CPA6: variants seen among roughly 807,000 people sequenced by gnomAD.
CPA6 encodes carboxypeptidase B.
Under a neutral mutation model 63.3 loss-of-function variants are expected in CPA6, and 58 were observed. The ratio of observed to expected loss-of-function variants is 0.92; its 90% CI spans 0.74 to 1.14. The LOEUF (loss-of-function observed/expected upper bound fraction) is 1.14. CPA6 is among the 50% of genes most tolerant of loss of function. The pLI is 0.00. For missense variants in CPA6, 565 were observed against 526.6 expected, an observed-to-expected ratio of 1.07 and a Z score of -0.71; for synonymous variants, 185 against 179.0, an observed-to-expected ratio of 1.03 and a Z score of -0.27.
intron 1 of CPA6, among the ~76,000 whole-genome samples, chr8:67,697,561 A>G (rs1324856796): frequency 3.3e-5 from 5 of 152,230 alleles, no homozygotes; most frequent in African/African-American, 9.6e-5. Flanking sequence ...GGAAATACTT[A>G]GTAAAAGTAA....
At chr8:67,647,110 G>A (rs1018870894) in intron 1 of CPA6, among the ~76,000 whole-genome samples, 1 of 152,146 alleles carries the variant, frequency 6.6e-6, no homozygotes, top group Non-Finnish European at 1.5e-5. Flanking sequence ...CTTATCTAAA[G>A]AAGTAAAAGA....
chr8:67,708,052 C>T (rs1490874035), intron 1 of CPA6, among the ~76,000 whole-genome samples: 1 of 152,164 alleles, frequency 6.6e-6, no homozygotes, highest in Non-Finnish European at 1.5e-5. Context: ...TTCTGACAGG[C>T]CCAGGAGCCC....
chr8:67,631,087 G>C (rs1338278421), intron 1 of CPA6, among the ~76,000 whole-genome samples: 2 of 152,222 alleles, frequency 1.3e-5, no homozygotes, highest in Admixed American at 6.5e-5. Context: ...GACCACCCAA[G>C]GGCTGAGGAG....
intron 1 of CPA6, among the ~76,000 whole-genome samples, chr8:67,634,684 A>AT (rs924834967): frequency 3.3e-4 from 50 of 151,296 alleles, no homozygotes; most frequent in East Asian, 5.8e-4. Flanking sequence ...ACCACTGCAT[A>AT]TTTTTTTTGT....
chr8:67,714,241 G>A (rs1242846979), intron 1 of CPA6, among the ~76,000 whole-genome samples: 1 of 152,152 alleles, frequency 6.6e-6, no homozygotes, highest in Non-Finnish European at 1.5e-5. Context: ...TTCCAGTGAT[G>A]AAAACTGGGG....
intron 2 of CPA6, among the ~76,000 whole-genome samples, chr8:67,568,975 T>A (rs934445306): frequency 2.0e-5 from 3 of 152,150 alleles, no homozygotes; most frequent in African/African-American, 7.2e-5. Flanking sequence ...GGTCTCAAGC[T>A]CCTGACCTCA....
intron 2 of CPA6, among the ~76,000 whole-genome samples, chr8:67,596,486 C>T (rs1225994176): frequency 6.6e-6 from 1 of 151,324 alleles, no homozygotes; most frequent in Non-Finnish European, 1.5e-5. Flanking sequence ...CATTTTCTGT[C>T]ATTGCCTCTT....
Position 67,465,373 on chromosome 8 carries a change from G to A in CPA6, c.838+18395C>T, listed in dbSNP as rs554090093. Among the ~76,000 whole-genome samples, 7 of 151,858 alleles carry A rather than the reference G, an allele frequency of 4.6e-5. No individual in the cohort carries two copies. In the South Asian group the frequency reaches 8.3e-4, roughly 18 times the overall value. On this transcript the variant is annotated intron_variant, in intron 8 of 10. Coordinates refer to ENST00000297770, the MANE Select transcript of CPA6 (RefSeq NM_020361.5). Reference sequence around the variant, plus strand: ...TCTATCTTGAAACTTAACTGAAGTCGTTTATCAGTTCCAGGATGCTTTTGG... The same window carrying A: ...TCTATCTTGAAACTTAACTGAAGTCATTTATCAGTTCCAGGATGCTTTTGG...
At chr8:67,636,630 A>G (rs1815475246) in intron 1 of CPA6, among the ~76,000 whole-genome samples, 1 of 151,450 alleles carries the variant, frequency 6.6e-6, no homozygotes, top group South Asian at 2.1e-4. Flanking sequence ...GATTTAGGGT[A>G]CTCCATAACT....
intron 8 of CPA6, among the ~76,000 whole-genome samples, chr8:67,437,613 C>T (rs1810191072): frequency 6.6e-6 from 1 of 152,044 alleles, no homozygotes; most frequent in Non-Finnish European, 1.5e-5. Flanking sequence ...TGTAGGAGGG[C>T]ACTGGAAACA....
intron 2 of CPA6, among the ~76,000 whole-genome samples, chr8:67,622,888 G>T (rs951089357): frequency 6.6e-5 from 10 of 152,158 alleles, no homozygotes; most frequent in African/African-American, 2.4e-4. Flanking sequence ...TTTTGGGCTT[G>T]CTTGTGTTTT....
chr8:67,550,237 T>A lies in CPA6; in HGVS notation c.193-32190A>T, dbSNP rs150793760. Among the ~76,000 whole-genome samples the A allele has an allele frequency of 6.5e-3, 988 of 152,280 alleles. 10 individuals are homozygous for A. Among genetic ancestry groups the A allele is most frequent in the African/African-American group, 0.023 (938 of 41,560 alleles). ...TAGTCCCCAGTGTCCATTGTTGTCA[T>A]CTTTATGTCCGTGAGTACTTGATGT... On this transcript the variant is annotated intron_variant, in intron 2 of 10. Transcript: ENST00000297770.
At chr8:67,521,630 G>A (rs1812259676) in intron 2 of CPA6, among the ~76,000 whole-genome samples, 1 of 152,230 alleles carries the variant, frequency 6.6e-6, no homozygotes, top group Admixed American at 6.5e-5. Flanking sequence ...TAAGGACAGA[G>A]TTCAACTTCG....
chr8:67,460,906 G>A (rs1373239461), intron 8 of CPA6, among the ~76,000 whole-genome samples: 2 of 152,176 alleles, frequency 1.3e-5, no homozygotes, highest in Non-Finnish European at 2.9e-5. Flanking sequence ...ACAGCCACAG[G>A]AAGCAGTGAC....
intron 8 of CPA6, among the ~76,000 whole-genome samples, chr8:67,434,875 C>T (rs1185566202): frequency 6.6e-6 from 1 of 152,242 alleles, no homozygotes; most frequent in African/African-American, 2.4e-5. Context: ...CCTTACCCCT[C>T]CTGACCCCCC....
chr8:67,727,060 A>G (rs1817610053), intron 1 of CPA6, among the ~76,000 whole-genome samples: 1 of 152,228 alleles, frequency 6.6e-6, no homozygotes, highest in South Asian at 2.1e-4. Context: ...TTGAGAATTT[A>G]CACATGCTTA....
At chr8:67,608,086 G>A (rs967907032) in intron 2 of CPA6, among the ~76,000 whole-genome samples, 4 of 152,180 alleles carry the variant, frequency 2.6e-5, no homozygotes, top group Admixed American at 6.5e-5. Context: ...AAGGAATGGA[G>A]GAAGAACTTT....
intron 1 of CPA6, among the ~76,000 whole-genome samples, chr8:67,727,455 C>T (rs1295516410): frequency 1.3e-5 from 2 of 152,158 alleles, no homozygotes; most frequent in South Asian, 2.1e-4. Flanking sequence ...CCCTTAACCC[C>T]CACAGGGAGA....
rs1810093317 is a variant in CPA6, at chr8:67,434,181, C to T, written c.898G>A (p.Glu300Lys). The change falls in exon 9 of 11, where the codon GAG becomes AAG. Residue 300 changes from glutamate to lysine, a missense_variant. Coordinates refer to ENST00000297770, the MANE Select transcript of CPA6 (RefSeq NM_020361.5). ...DTYCGPFPES[E>K]PEVKAVANFL... is the part of the protein sequence containing the mutation. ...TTAGCTACAGCCTTCACTTCCGGCT[C>T]AGATTCTGGAAAAGGGCCACAGTAT... is the stretch of plus-strand genomic sequence containing the variant. 4 of 1,614,034 alleles carry T rather than the reference C, an allele frequency of 2.5e-6. No homozygotes were observed. Among genetic ancestry groups the T allele is most frequent in the African/African-American group, 1.3e-5 (1 of 74,930 alleles).
Sources: gnomAD v4.1 joint callset for allele counts (sites outside exome capture counted in the v4.1 genomes callset) on GRCh38, gnomAD v4.1.1 for gene constraint, MANE v1.5 for transcripts, NCBI Gene and HGNC (gene_info 2026-07-23, HGNC 2026-07-21) for gene names.